Variants in HTR2C observed in about 807,000 individuals in gnomAD.
HTR2C encodes the protein 5-hydroxytryptamine (serotonin) receptor 2C, G protein-coupled.
HTR2C carries 5 observed loss-of-function variants against 21.0 expected under a neutral mutation model. The ratio of observed to expected loss-of-function variants is 0.24; its 90% CI spans 0.12 to 0.50. The LOEUF is 0.50. Ranked by LOEUF, HTR2C falls within the 20% of genes least tolerant of loss-of-function variation. HTR2C has a pLI of 0.98. For synonymous variants in HTR2C, 150 were observed against 145.3 expected (o/e 1.03, Z -0.23); for missense variants, 271 against 371.2 (o/e 0.73, Z 2.22).
intron 2 of HTR2C, among the ~76,000 whole-genome samples, chrX:114,626,260 A>C (rs894122444): frequency 3.7e-5 from 4 of 108,539 alleles, no homozygotes; most frequent in Non-Finnish European, 5.7e-5. Flanking sequence ...ATGGTGGCAC[A>C]TGTCTGTAGT....
chrX:114,827,007 A>T (rs2070684122), intron 4 of HTR2C, among the ~76,000 whole-genome samples: 1 of 35,167 alleles, frequency 2.8e-5, no homozygotes, highest in Admixed American at 5.7e-4. Flanking sequence ...TTCTTTGTAC[A>T]GTTTTTTTGT....
chrX:114,676,285 C>A (rs782513506), intron 2 of HTR2C, among the ~76,000 whole-genome samples: 2 of 111,904 alleles, frequency 1.8e-5, no homozygotes, highest in East Asian at 5.6e-4. Flanking sequence ...TAGAAAAAAA[C>A]CACAATAAAT....
chrX:114,691,164 A>T (rs781832238), intron 2 of HTR2C, among the ~76,000 whole-genome samples: 4 of 111,541 alleles, frequency 3.6e-5, no homozygotes, highest in African/African-American at 1.3e-4. Flanking sequence ...ATACTAGATT[A>T]CTTGCTTCTT....
chrX:114,693,099 A>T (rs1201440407), intron 2 of HTR2C, among the ~76,000 whole-genome samples: 1 of 111,754 alleles, frequency 8.9e-6, no homozygotes, highest in Non-Finnish European at 1.9e-5. Context: ...TATTCCCTCA[A>T]GTAACTGTTT....
intron 1 of HTR2C, among the ~76,000 whole-genome samples, chrX:114,609,525 G>T (rs182689859): frequency 2.4e-4 from 27 of 110,972 alleles, no homozygotes; most frequent in African/African-American, 8.8e-4. Flanking sequence ...GACCACGTTC[G>T]GTTGGACTTC....
At chrX:114,821,662 C>A (rs1266634889) in intron 4 of HTR2C, among the ~76,000 whole-genome samples, 1 of 110,779 alleles carries the variant, frequency 9.0e-6, no homozygotes, top group African/African-American at 3.3e-5. Flanking sequence ...TTAAAGAAAT[C>A]TGCATTTTAA....
chrX:114,694,434 AATATATATATATATATATATATATAT>A lies in HTR2C; in HGVS notation c.-79-32390_-79-32365del, dbSNP rs782501990. Among the ~76,000 whole-genome samples the A allele has an allele frequency of 5.0e-4, 46 of 91,950 alleles. 2 individuals carry two copies. The highest frequency in any genetic ancestry group is 1.7e-3 in the African/African-American group (38 of 22,483). 79.8% of individuals were successfully genotyped at this position (91,950 alleles called of 115,157 possible). A position where few individuals can be genotyped will look rare whatever the true frequency, so the allele number is the denominator to read the frequency against. On this transcript the variant is annotated intron_variant, in intron 2 of 5. Transcript: ENST00000276198. ...CTCTGTTCATTCTATTCCTCAACTA[AATATATATATATATATATATATATAT>A]ATATATATATATATATATATATATA...
At position 114,817,142 on chromosome X, in the gene HTR2C, TATATC is replaced by T. The variant is rs781882584; in HGVS notation, c.350-30857_350-30853del. Among the ~76,000 whole-genome samples the T allele has an allele frequency of 2.6e-3, 289 of 109,880 alleles. 1 individual carries two copies. The highest frequency in any genetic ancestry group is 9.5e-3 in the African/African-American group (276 of 29,119). ...GACAATTTTTAATAAGTTAGAATAT[TATATC>T]ATAAAATGTGTCTGTAGGTTTTTTT... On this transcript the variant is annotated intron_variant, in intron 4 of 5. Transcript: ENST00000276198.
At chrX:114,657,723 T>C (rs1930835735) in intron 2 of HTR2C, among the ~76,000 whole-genome samples, 1 of 111,601 alleles carries the variant, frequency 9.0e-6, no homozygotes, top group Non-Finnish European at 1.9e-5. Context: ...TATTATGCTT[T>C]AAGTTTTAGG....
At chrX:114,803,644 A>T (rs1267176494) in intron 4 of HTR2C, among the ~76,000 whole-genome samples, 1 of 102,164 alleles carries the variant, frequency 9.8e-6, no homozygotes, top group Non-Finnish European at 2.0e-5. Flanking sequence ...CCTTTGTCAG[A>T]TGAGTAGGTT....
chrX:114,760,478 ATT>A (rs1450768701), intron 4 of HTR2C, among the ~76,000 whole-genome samples: 2 of 111,696 alleles, frequency 1.8e-5, no homozygotes, highest in Non-Finnish European at 3.8e-5. Context: ...CATATGTGTT[ATT>A]TAATTTACCA....
At chrX:114,829,056 G>A (rs2070699862) in intron 4 of HTR2C, among the ~76,000 whole-genome samples, 1 of 111,699 alleles carries the variant, frequency 9.0e-6, no homozygotes, top group East Asian at 2.8e-4. Flanking sequence ...ATACTTGCTT[G>A]AGTATCTATA....
chrX:114,662,750 G>A (rs1206354796), intron 2 of HTR2C, among the ~76,000 whole-genome samples: 1 of 111,542 alleles, frequency 9.0e-6, no homozygotes, highest in Non-Finnish European at 1.9e-5. Flanking sequence ...TATTCATTTT[G>A]AAATTATCAG....
At position 114,848,163 on chromosome X, in the gene HTR2C, G is replaced by A. The variant is rs370756602; in HGVS notation, c.510G>A (p.Lys170=). The change falls in exon 5 of 6, where the codon AAG becomes AAA. Residue 170 remains lysine (K), a synonymous_variant. Transcript: ENST00000276198. ...IEHSRFNSRT[K]AIMKIAIVWA... ...ATAGCCGTTTCAATTCGCGGACTAA[G>A]GCCATCATGAAGATTGCTATTGTTT... The A allele has an allele frequency of 1.7e-6, 2 of 1,209,548 alleles. No individual in the cohort carries two copies. Among genetic ancestry groups the A allele is most frequent in the African/African-American group, 1.7e-5 (1 of 57,308 alleles).
Position 114,769,137 on chromosome X carries a change from TCAC to T in HTR2C, c.349+37532_349+37534del, listed in dbSNP as rs1278987283. 3.6e-5 allele frequency among the ~76,000 whole-genome samples: 4 copies of T among 111,638 alleles called. No individual in the cohort carries two copies. In the Admixed American group the frequency reaches 3.8e-4, roughly 11 times the overall value. On this transcript the variant is annotated intron_variant, in intron 4 of 5. Transcript: ENST00000276198. ...TGAAACAGCAAAGTTAAACCTAGAC[TCAC>T]CTTACTTTCTTACCTATTGCTATTA...
chrX:114,677,528 A>G (rs1054039921), intron 2 of HTR2C, among the ~76,000 whole-genome samples: 2 of 111,693 alleles, frequency 1.8e-5, no homozygotes, highest in Non-Finnish European at 3.8e-5. Flanking sequence ...TAACCACGGT[A>G]CAATGAAACA....
chrX:114,797,820 A>G (rs1389262185), intron 4 of HTR2C, among the ~76,000 whole-genome samples: 1 of 112,076 alleles, frequency 8.9e-6, no homozygotes, highest in Non-Finnish European at 1.9e-5. Context: ...ATGAAAAAGA[A>G]TAATTCCTGG....
intron 5 of HTR2C, among the ~76,000 whole-genome samples, chrX:114,852,851 G>A (rs1344486520): frequency 5.5e-5 from 6 of 110,001 alleles, no homozygotes; most frequent in Non-Finnish European, 7.6e-5. Context: ...GCGCGCGCGC[G>A]TGCATGTGTG....
At chrX:114,689,335 AT>A (rs1932037021) in intron 2 of HTR2C, among the ~76,000 whole-genome samples, 1 of 107,132 alleles carries the variant, frequency 9.3e-6, no homozygotes, top group African/African-American at 3.4e-5. Context: ...CAAGTGTCTT[AT>A]TCATATAATG....
Sources: gnomAD v4.1 joint callset for allele counts (sites outside exome capture counted in the v4.1 genomes callset) on GRCh38, gnomAD v4.1.1 for gene constraint, MANE v1.5 for transcripts, NCBI Gene and HGNC (gene_info 2026-07-23, HGNC 2026-07-21) for gene names.